ZNF75A: variants seen among roughly 807,000 people sequenced by gnomAD.
The protein encoded by ZNF75A is zinc finger protein 75A.
ZNF75A carries 36 observed loss-of-function variants against 46.3 expected under a neutral mutation model. The observed-to-expected ratio is 0.78, with a 90% CI of 0.60 to 1.03. The LOEUF is 1.03. ZNF75A is among the 50% of genes least tolerant of loss of function. ZNF75A has a pLI of 0.00. For missense variants in ZNF75A, 595 were observed against 551.3 expected (o/e 1.08, Z -0.79); for synonymous variants, 234 against 189.9 (o/e 1.23, Z -1.91).
chr16:3,308,217 G>A (rs1960434706), intron 1 of ZNF75A, 96 bp from the exon 2 acceptor site: 2 of 162,744 alleles, frequency 1.2e-5, no homozygotes, highest in African/African-American at 4.8e-5. Flanking sequence ...GGGAAGACAG[G>A]ACACCTTTTC....
intron 1 of ZNF75A, chr16:3,306,271 A>C (rs1322557603): frequency 6.6e-6 from 1 of 151,676 alleles, no homozygotes; most frequent in African/African-American, 2.4e-5. Flanking sequence ...ATCGTCACCA[A>C]CTCCTGTTGG....
chr16:3,311,250 C>A (rs111333926), intron 2 of ZNF75A, among the ~76,000 whole-genome samples: 3 of 151,928 alleles, frequency 2.0e-5, no homozygotes, highest in East Asian at 3.9e-4. Context: ...CCAGCTTGAC[C>A]AACATGAAGA....
Position 3,317,394 on chromosome 16 carries a change from C to T in ZNF75A, c.1139C>T (p.Thr380Ile). 1 of 1,614,072 alleles carries T rather than the reference C, an allele frequency of 6.2e-7. No individual in the cohort carries two copies. The highest frequency in any genetic ancestry group is 1.3e-5 in the African/African-American group (1 of 75,006). ...FPVKKRKKLS[T>I]WKQELLKLMD... The stretch of plus-strand genomic sequence containing the variant: ...GTGAAGAAAAGAAAGAAACTTTCAA[C>T]CTGGAAACAAGAGCTGCTCAAACTT... The change falls in exon 7 of 7, where the codon ACC (threonine) becomes ATC (isoleucine). Residue 380 changes from threonine (T) to isoleucine (I), a missense_variant. Transcript: ENST00000669516.
intron 1 of ZNF75A, 48 bp downstream of exon 1, chr16:3,305,691 G>A (rs977755780): frequency 6.6e-6 from 1 of 152,258 alleles, no homozygotes; most frequent in East Asian, 1.9e-4. Flanking sequence ...GGAGCCGCTG[G>A]AGCGGCGGCG....
chr16:3,320,669 A>G (rs1034684062), downstream of ZNF75A, among the ~76,000 whole-genome samples: 2 of 152,162 alleles, frequency 1.3e-5, no homozygotes, highest in South Asian at 2.1e-4. Flanking sequence ...TGCCTCATGC[A>G]CAAAACAGGC....
At chr16:3,312,623 G>A (rs1960896043) in intron 3 of ZNF75A, 54 bp from the exon 4 acceptor site, 1 of 828,378 alleles carries the variant, frequency 1.2e-6, no homozygotes, top group Non-Finnish European at 1.5e-6. Context: ...TTAGAAATGA[G>A]CTCAGGATGT....
rs1415681287 is a variant in ZNF75A, at chr16:3,311,757, C to T, written c.413C>T (p.Ala138Val). The change falls in exon 3 of 7, where the codon GCA (alanine) becomes GTA (valine). Residue 138 changes from alanine to valine, a missense_variant. Physicochemically the swap from Ala to Val is moderately conservative, Grantham distance 64. Transcript: ENST00000669516. Reference sequence around the variant, plus strand: ...AAGGATGGGAATTATTTCTAGGTTGCAGTCCATGAGCTGGGAAAGGAGGCA... The same window carrying T: ...AAGGATGGGAATTATTTCTAGGTTGTAGTCCATGAGCTGGGAAAGGAGGCA... ...RESGQTWNGV[A>V]VHELGKEAVL... 3.0e-5 allele frequency: 31 copies of T among 1,049,770 alleles called. No homozygotes were observed. The highest frequency in any genetic ancestry group is 3.5e-5 in the Non-Finnish European group (30 of 862,780). The allele number at this position is 1,049,770 out of a possible 1,614,324, so 65.0% of individuals were successfully genotyped here.
At chr16:3,322,434 C>G (rs1366923144), downstream of ZNF75A, among the ~76,000 whole-genome samples, 2 of 152,192 alleles carry the variant, frequency 1.3e-5, no homozygotes, top group African/African-American at 4.8e-5. Flanking sequence ...TTCAGTCGAG[C>G]GTCTGTAAGG....
Position 3,317,398 on chromosome 16 carries a change from G to A in ZNF75A, c.1143G>A (p.Trp381Ter), listed in dbSNP as rs748817826. The change falls in exon 7 of 7, where the codon TGG becomes TGA. Residue 381 changes from tryptophan to a stop codon, truncating the protein, a stop_gained. Coordinates refer to ENST00000669516, the MANE Select transcript of ZNF75A (RefSeq NM_001302109.2). LOFTEE classifies it high-confidence loss of function. ...AGAAAAGAAAGAAACTTTCAACCTG[G>A]AAACAAGAGCTGCTCAAACTTATGG... ...PVKKRKKLST[W>*]KQELLKLMDR... 1.2e-6 allele frequency: 2 copies of A among 1,614,122 alleles called. No homozygotes were observed. Among genetic ancestry groups the A allele is most frequent in the Non-Finnish European group, 1.7e-6 (2 of 1,180,006 alleles).
intron 5 of ZNF75A, chr16:3,315,075 G>A (rs1309374129): frequency 2.0e-6 from 2 of 984,976 alleles, no homozygotes; most frequent in Non-Finnish European, 2.4e-6. Flanking sequence ...CCTACGTGGA[G>A]ATCTTGATCC....
At chr16:3,311,160 G>T (rs1352825554) in intron 2 of ZNF75A, among the ~76,000 whole-genome samples, 1 of 152,080 alleles carries the variant, frequency 6.6e-6, no homozygotes, top group Non-Finnish European at 1.5e-5. Context: ...CTGCCTGGCT[G>T]GGCACAATGG....
downstream of ZNF75A, among the ~76,000 whole-genome samples, chr16:3,320,421 A>G (rs887183681): frequency 3.3e-5 from 5 of 152,074 alleles, no homozygotes; most frequent in Non-Finnish European, 5.9e-5. Flanking sequence ...GGACCTTTCC[A>G]TTTTCATTCT....
intron 4 of ZNF75A, 81 bp downstream of exon 4, chr16:3,312,849 G>T: frequency 2.5e-6 from 3 of 1,202,692 alleles, no homozygotes; most frequent in Admixed American, 6.3e-5. Flanking sequence ...GTTCAGAGGT[G>T]TGTTAGTCCC....
Position 3,317,402 on chromosome 16 carries a change from CAAG to C in ZNF75A, c.1149_1151del (p.Glu384del). On this transcript the variant is annotated inframe_deletion, in exon 7 of 7. Transcript: ENST00000669516. ...AAGAAAGAAACTTTCAACCTGGAAA[CAAG>C]AGCTGCTCAAACTTATGGATCGTCA... is the stretch of plus-strand genomic sequence containing the variant. The C allele has an allele frequency of 6.2e-7, 1 of 1,614,104 alleles. No homozygotes were observed. Among genetic ancestry groups the C allele is most frequent in the Non-Finnish European group, 8.5e-7 (1 of 1,180,020 alleles).
intron 5 of ZNF75A, chr16:3,315,126 TC>T: frequency 1.0e-6 from 1 of 981,772 alleles, no homozygotes; most frequent in Non-Finnish European, 1.2e-6. Flanking sequence ...ATCATGTTTT[TC>T]CCATCTCAGT....
downstream of ZNF75A, among the ~76,000 whole-genome samples, chr16:3,320,525 A>T (rs1473580446): frequency 2.6e-5 from 4 of 152,188 alleles, no homozygotes; most frequent in Admixed American, 6.5e-5. Context: ...ACCTCCCAAG[A>T]CTGTAGATGA....
intron 5 of ZNF75A, chr16:3,316,108 C>T (rs1961185058): frequency 6.6e-6 from 1 of 152,220 alleles, no homozygotes; most frequent in Non-Finnish European, 1.5e-5. Flanking sequence ...CTTAAATACT[C>T]TTTACCGTGA....
chr16:3,321,372 G>A (rs1417823170), downstream of ZNF75A, among the ~76,000 whole-genome samples: 3 of 152,116 alleles, frequency 2.0e-5, no homozygotes, highest in Non-Finnish European at 4.4e-5. Flanking sequence ...CATTGACCCC[G>A]TCTAGTCTCC....
In ZNF75A at chr16:3,311,037, A is replaced by G. The variant is rs1026820261; in HGVS notation, c.409-716A>G. On this transcript the variant is annotated intron_variant, in intron 2 of 6. Coordinates refer to ENST00000669516, the MANE Select transcript of ZNF75A (RefSeq NM_001302109.2). ...ATAGGGATAATCAGGCTGACAGGAA[A>G]ACTTTTAAATTCATTTATTTGAATT... is the stretch of plus-strand genomic sequence containing the variant. 20 of 747,446 alleles carry G rather than the reference A, an allele frequency of 2.7e-5. 1 individual carries two copies. Among genetic ancestry groups the G allele is most frequent in the Admixed American group, 1.3e-4 (2 of 15,976 alleles). The allele number at this position is 747,446 out of a possible 1,614,324, so 46.3% of individuals were successfully genotyped here.
Sources: gnomAD v4.1 joint callset for allele counts (sites outside exome capture counted in the v4.1 genomes callset) on GRCh38, gnomAD v4.1.1 for gene constraint, MANE v1.5 for transcripts, NCBI Gene and HGNC (gene_info 2026-07-23, HGNC 2026-07-21) for gene names.